NEK9: variants seen among roughly 807,000 people sequenced by gnomAD.
NEK9 encodes NIMA related kinase 9, also known as serine/threonine-protein kinase Nek9.
A neutral mutation model predicts 123.4 loss-of-function variants in NEK9; 75 were observed. The ratio of observed to expected loss-of-function variants is 0.61; its 90% CI spans 0.50 to 0.74. The LOEUF (loss-of-function observed/expected upper bound fraction) is 0.74, where lower values mean the gene tolerates loss of function less well. Ranked by LOEUF, NEK9 falls within the 30% of genes least tolerant of loss-of-function variation. NEK9 has a pLI of 0.00. For missense variants in NEK9, 952 were observed against 1,214.4 expected (o/e 0.78, Z 3.21); for synonymous variants, 438 against 458.7 (o/e 0.95, Z 0.58).
At chr14:75,114,423 G>C in intron 6 of NEK9, 110 bp from the exon 7 acceptor site, 1 of 815,868 alleles carries the variant, frequency 1.2e-6, no homozygotes, top group Non-Finnish European at 2.0e-6. Context: ...ATTGGCAATA[G>C]GTCTGACTTC....
rs759161706 is a variant in NEK9, at chr14:75,105,955, G to A, written c.1570C>T (p.Gln524Ter). Reference protein sequence around the residue: ...LDSEEDYYTPQKVDVPKALII... With the variant: ...LDSEEDYYTP The stretch of plus-strand genomic sequence containing the variant: ...TAAGTTGCTTCTGATTTTACCTTTT[G>A]TGGTGTATAATAATCCTCTTCTGAA... Residue 524 changes from glutamine to a stop codon, truncating the protein, a stop_gained, in exon 13 of 22, where the codon CAA becomes TAA. Coordinates refer to ENST00000238616, the MANE Select transcript of NEK9 (RefSeq NM_033116.6). LOFTEE classifies it high-confidence loss of function. The A allele has an allele frequency of 2.5e-6, 4 of 1,612,804 alleles. No individual in the cohort carries two copies. The highest frequency in any genetic ancestry group is 3.4e-6 in the Non-Finnish European group (4 of 1,178,814).
In NEK9 at chr14:75,116,912, G is replaced by A. The variant is rs540729132; in HGVS notation, c.762+283C>T. On this transcript the variant is annotated intron_variant, in intron 6 of 21. Coordinates refer to ENST00000238616, the MANE Select transcript of NEK9 (RefSeq NM_033116.6). ...ATTACAGGTGTGCGCCACCACACCC[G>A]GCTGAGTTTTGTATTTCTAATGGAG... 9.2e-5 allele frequency among the ~76,000 whole-genome samples: 14 copies of A among 152,182 alleles called. No homozygotes were observed. The South Asian group carries it at 2.1e-3, about 23-fold the overall frequency.
chr14:75,102,638 C>T (rs1056675993), intron 14 of NEK9, among the ~76,000 whole-genome samples: 1 of 152,188 alleles, frequency 6.6e-6, no homozygotes, highest in Non-Finnish European at 1.5e-5. Context: ...AGGCGTGAGC[C>T]ACCGTGCCCG....
At chr14:75,127,081 T>G (rs531102619), upstream of NEK9, 721 of 578,246 alleles carry the variant, frequency 1.2e-3, 17 homozygotes, top group South Asian at 0.017. Context: ...AACAGTTCTC[T>G]GTGTTTCCGG....
upstream of NEK9, chr14:75,127,115 T>C (rs1895568877): frequency 1.9e-5 from 10 of 534,782 alleles, no homozygotes; most frequent in South Asian, 2.5e-4. Context: ...CCTCCGCCTT[T>C]GCTTACCCTC....
chr14:75,099,588 T>C (rs1320547985), intron 16 of NEK9, among the ~76,000 whole-genome samples: 1 of 150,394 alleles, frequency 6.6e-6, no homozygotes, highest in African/African-American at 2.4e-5. Context: ...TCAAGACCAG[T>C]CTGGCTAACA....
At position 75,117,267 on chromosome 14, in the gene NEK9, G is replaced by A; in HGVS notation, c.690C>T (p.Phe230=). The change falls in exon 6 of 22, where the codon TTC becomes TTT. Residue 230 remains phenylalanine, a synonymous_variant. Transcript: ENST00000238616. The stretch of plus-strand genomic sequence containing the variant: ...AGCCAACTGCCCAGATATCAGACTT[G>A]AAATTGTACTTTACTCCTTGACAGA... ...PELCQGVKYN[F]KSDIWAVGCV... is the part of the protein sequence containing the mutation. 6.2e-7 allele frequency: 1 copy of A among 1,614,048 alleles called. No homozygotes were observed. The highest frequency in any genetic ancestry group is 8.5e-7 in the Non-Finnish European group (1 of 1,180,002).
At chr14:75,125,030 C>T (rs189413103) in intron 1 of NEK9, among the ~76,000 whole-genome samples, 215 of 151,774 alleles carry the variant, frequency 1.4e-3, no homozygotes, top group African/African-American at 4.9e-3. Context: ...CCACCTTGGC[C>T]TCCCAGGTGT....
chr14:75,103,805 C>T lies in NEK9; in HGVS notation c.1731+37G>A, dbSNP rs771231163. On this transcript the variant is annotated intron_variant, in intron 14 of 21. Coordinates refer to ENST00000238616, the MANE Select transcript of NEK9 (RefSeq NM_033116.6). ...AAAGAAATTCCAACCTAGAGAAATT[C>T]TGATGATGTGGTTAGAACACCAATC... The T allele has an allele frequency of 3.8e-6, 6 of 1,562,470 alleles. No individual in the cohort carries two copies. The Admixed American group carries it at 1.2e-4, about 31-fold the overall frequency.
chr14:75,126,780 C>G lies in NEK9; in HGVS notation c.142G>C (p.Glu48Gln). Residue 48 changes from glutamate to glutamine, a missense_variant, in exon 1 of 22, where the codon GAG becomes CAG. By Grantham distance (29) the Glu-to-Gln change is conservative. Around this residue, in one of 4 missense-constraint regions of NEK9, gnomAD observed 120 missense variants for 97.6 expected, o/e 1.23. Transcript: ENST00000238616. Reference sequence around the variant, plus strand: ...CGGATGGGGATGTAGTGCAGTTCCTCCTGCTCCGCCGCGCCGCCGCCGGCT... The same window carrying G: ...CGGATGGGGATGTAGTGCAGTTCCTGCTGCTCCGCCGCGCCGCCGCCGGCT... ...PRAGGGAAEQ[E>Q]ELHYIPIRVL... 1 of 1,531,728 alleles carries G rather than the reference C, an allele frequency of 6.5e-7. No individual in the cohort carries two copies. The highest frequency in any genetic ancestry group is 1.4e-5 in the African/African-American group (1 of 70,194). 94.9% of individuals were successfully genotyped at this position (1,531,728 alleles called of 1,614,324 possible). A position where few individuals can be genotyped will look rare whatever the true frequency, so the allele number is the denominator to read the frequency against.
At position 75,082,127 on chromosome 14, in the gene NEK9, G is replaced by A. The variant is rs1407004225; in HGVS notation, c.*2437C>T. 6.6e-6 allele frequency: 1 copy of A among 152,156 alleles called. No individual in the cohort carries two copies. Among genetic ancestry groups the A allele is most frequent in the Admixed American group, 6.5e-5 (1 of 15,270 alleles). 9.4% of individuals were successfully genotyped at this position (152,156 alleles called of 1,614,324 possible). ...TACTGAAGCACAGTACTGATTAAGA[G>A]CTTAAATGTTTATTTAAAACAGAAA... is the stretch of plus-strand genomic sequence containing the variant. On this transcript the variant is annotated 3_prime_UTR_variant, in exon 22 of 22. Coordinates refer to ENST00000238616, the MANE Select transcript of NEK9 (RefSeq NM_033116.6).
At chr14:75,085,473 A>G (rs1011220905) in intron 21 of NEK9, among the ~76,000 whole-genome samples, 2 of 152,228 alleles carry the variant, frequency 1.3e-5, no homozygotes, top group Admixed American at 6.5e-5. Context: ...CTCTGCTTCT[A>G]CTTCCCTCTA....
At position 75,081,674 on chromosome 14, in the gene NEK9, T is replaced by G. The variant is rs1166441591; in HGVS notation, c.*2890A>C. The G allele has an allele frequency of 6.6e-6, 1 of 152,224 alleles. No individual in the cohort carries two copies. Among genetic ancestry groups the G allele is most frequent in the Non-Finnish European group, 1.5e-5 (1 of 68,036 alleles). The allele number at this position is 152,224 out of a possible 1,614,324, so 9.4% of individuals were successfully genotyped here. On this transcript the variant is annotated 3_prime_UTR_variant, in exon 22 of 22. Transcript: ENST00000238616. This position sits in a 1 kb window ranked among gnomAD's most constrained non-coding sequence, Gnocchi z 4.2. ...AGTGTACTTTTGCTTTAAACTTCAG[T>G]GAAATGCTCAGCCAAGAGAAGTTGT...
chr14:75,116,108 GA>G (rs1392188677), intron 6 of NEK9, among the ~76,000 whole-genome samples: 1 of 152,188 alleles, frequency 6.6e-6, no homozygotes, highest in Admixed American at 6.6e-5. Context: ...TGCTATGTCA[GA>G]AGTGTTTACA....
chr14:75,101,898 G>A, intron 14 of NEK9, 133 bp from the exon 15 acceptor site: 1 of 591,630 alleles, frequency 1.7e-6, no homozygotes, highest in Non-Finnish European at 3.0e-6. Context: ...GAGGGTGCCA[G>A]GTAGTTTTCC....
intron 1 of NEK9, among the ~76,000 whole-genome samples, chr14:75,126,449 C>T (rs12887934): frequency 0.33 from 50,604 of 152,042 alleles, 10,343 homozygotes; most frequent in East Asian, 0.65. Context: ...TCAGTAAGCC[C>T]ATTTTACAGA....
chr14:75,111,131 A>T (rs763866260), intron 8 of NEK9, among the ~76,000 whole-genome samples: 3 of 152,176 alleles, frequency 2.0e-5, no homozygotes, highest in African/African-American at 7.2e-5. Context: ...ATCTCTCAAC[A>T]GTGGATGTGA....
intron 16 of NEK9, 65 bp from the exon 17 acceptor site, chr14:75,097,335 C>T (rs1894423253): frequency 7.3e-7 from 1 of 1,370,946 alleles, no homozygotes; most frequent in African/African-American, 1.4e-5. Flanking sequence ...TCCGGGTTCC[C>T]CATCTTTATA....
intron 16 of NEK9, among the ~76,000 whole-genome samples, chr14:75,100,437 ACT>A (rs1483236684): frequency 5.9e-5 from 9 of 152,174 alleles, no homozygotes; most frequent in African/African-American, 2.2e-4. Context: ...CAAGAGCGAA[ACT>A]CTGTTTCAAA....
Sources: gnomAD v4.1 joint callset for allele counts (sites outside exome capture counted in the v4.1 genomes callset) on GRCh38, gnomAD v4.1.1 for gene constraint, gnomAD v4.1.1 regional missense constraint, Gnocchi (gnomAD v3.1) non-coding constraint, MANE v1.5 for transcripts, NCBI Gene and HGNC (gene_info 2026-07-23, HGNC 2026-07-21) for gene names.